HCN1: variants seen among roughly 807,000 people sequenced by gnomAD.
HCN1 encodes hyperpolarization activated cyclic nucleotide gated potassium channel 1.
In HCN1, 13 loss-of-function variants were observed where a neutral mutation model predicts 78.9. That is an observed-to-expected ratio of 0.16 (90% CI 0.11 to 0.26). The LOEUF is 0.26. Among genes scored for constraint, HCN1 ranks in the 10% least tolerant of loss-of-function variants. HCN1 has a pLI of 1.00. For synonymous variants in HCN1, 552 were observed against 455.5 expected (o/e 1.21, Z -2.70); for missense variants, 810 against 1,154.3 (o/e 0.70, Z 4.32).
chr5:45,598,625 C>G (rs1460718109), intron 2 of HCN1, among the ~76,000 whole-genome samples: 1 of 152,148 alleles, frequency 6.6e-6, no homozygotes, highest in African/African-American at 2.4e-5. Flanking sequence ...TCACAGTGAA[C>G]AGGCAACCTA....
chr5:45,539,961 A>ATAT (rs1561193956), intron 2 of HCN1, among the ~76,000 whole-genome samples: 20 of 127,610 alleles, frequency 1.6e-4, no homozygotes, highest in Admixed American at 1.2e-3. Context: ...TATATATATA[A>ATAT]AATGTTTATC....
chr5:45,370,045 A>AT (rs1405322142), intron 4 of HCN1, among the ~76,000 whole-genome samples: 3 of 151,914 alleles, frequency 2.0e-5, no homozygotes, highest in African/African-American at 7.2e-5. Context: ...CTCTCAGTTA[A>AT]TTTTTTCTTG....
intron 2 of HCN1, among the ~76,000 whole-genome samples, chr5:45,543,511 C>G (rs1293519634): frequency 6.6e-6 from 1 of 151,950 alleles, no homozygotes; most frequent in Non-Finnish European, 1.5e-5. Flanking sequence ...AACCCATAAA[C>G]ATTTAAAAAT....
At chr5:45,533,869 C>T (rs1345652238) in intron 2 of HCN1, among the ~76,000 whole-genome samples, 4 of 152,086 alleles carry the variant, frequency 2.6e-5, no homozygotes, top group Non-Finnish European at 5.9e-5. Flanking sequence ...AGAGACCTGA[C>T]AATAGGGTCA....
intron 3 of HCN1, among the ~76,000 whole-genome samples, chr5:45,454,480 T>C (rs1280173782): frequency 6.9e-6 from 1 of 145,890 alleles, no homozygotes; most frequent in East Asian, 2.0e-4. Context: ...TGTTAGGTCT[T>C]AAAAAAAAAT....
In HCN1 at chr5:45,667,122, G is replaced by T. The variant is rs1216653177; in HGVS notation, c.426-21514C>A. Among the ~76,000 whole-genome samples, 7 of 152,058 alleles carry T rather than the reference G, an allele frequency of 4.6e-5. No homozygotes were observed. In the South Asian group the frequency reaches 1.5e-3, roughly 32 times the overall value. On this transcript the variant is annotated intron_variant, in intron 1 of 7. Transcript: ENST00000303230. ...CATGGAACTCAGGCTGGGCTCACTG[G>T]TCCTACAAACCTCACCTGCTTTCAA...
intron 1 of HCN1, among the ~76,000 whole-genome samples, chr5:45,682,027 T>C (rs1166601896): frequency 6.6e-6 from 1 of 151,912 alleles, no homozygotes; most frequent in Non-Finnish European, 1.5e-5. Context: ...ATGAATGGGT[T>C]TGGTGCCCTC....
At chr5:45,608,555 C>A (rs939939935) in intron 2 of HCN1, among the ~76,000 whole-genome samples, 1 of 151,820 alleles carries the variant, frequency 6.6e-6, no homozygotes, top group South Asian at 2.1e-4. Flanking sequence ...GGTGTTAGCA[C>A]ACTTACAAAG....
intron 1 of HCN1, among the ~76,000 whole-genome samples, chr5:45,688,948 CAGAG>C (rs755793278): frequency 3.9e-5 from 6 of 151,938 alleles, no homozygotes; most frequent in Non-Finnish European, 7.4e-5. Flanking sequence ...TCTACAGAGA[CAGAG>C]AGAGGATTAG....
In HCN1 at chr5:45,254,956, A is replaced by G. The variant is rs748111936; in HGVS notation, c.*6965T>C. ...AGAAGCTCTTTGCAAAATATTGACC[A>G]CATTCATTTATTTTTATAATGTCAA... On this transcript the variant is annotated 3_prime_UTR_variant, in exon 8 of 8. Coordinates refer to ENST00000303230, the MANE Select transcript of HCN1 (RefSeq NM_021072.4). The G allele has an allele frequency of 6.6e-6, 1 of 152,250 alleles. No homozygotes were observed. Among genetic ancestry groups the G allele is most frequent in the Admixed American group, 6.5e-5 (1 of 15,286 alleles). The allele number at this position is 152,250 out of a possible 1,614,324, so 9.4% of individuals were successfully genotyped here.
At chr5:45,538,123 T>C (rs1368140949) in intron 2 of HCN1, among the ~76,000 whole-genome samples, 3 of 152,128 alleles carry the variant, frequency 2.0e-5, no homozygotes, top group African/African-American at 7.2e-5. Context: ...TTCTAAAGTA[T>C]TCCTAATTCT....
At chr5:45,283,413 A>G (rs904216640) in intron 6 of HCN1, among the ~76,000 whole-genome samples, 13 of 152,184 alleles carry the variant, frequency 8.5e-5, no homozygotes, top group African/African-American at 2.7e-4. Flanking sequence ...TCTAATATCC[A>G]GCACCTATAA....
chr5:45,304,243 T>C (rs200415454), intron 5 of HCN1, among the ~76,000 whole-genome samples: 2 of 152,028 alleles, frequency 1.3e-5, no homozygotes, highest in East Asian at 3.9e-4. Context: ...ATGCCATTCC[T>C]GCTTCTGTGC....
chr5:45,283,375 A>C (rs1296429087), intron 6 of HCN1, among the ~76,000 whole-genome samples: 1 of 152,152 alleles, frequency 6.6e-6, no homozygotes, highest in East Asian at 1.9e-4. Flanking sequence ...AATGGGAGAA[A>C]ATTTTTGCAA....
chr5:45,357,734 GTAATGATTTGTGCTATGGTTTGGA>G (rs1747029304), intron 4 of HCN1, among the ~76,000 whole-genome samples: 1 of 152,008 alleles, frequency 6.6e-6, no homozygotes, highest in Admixed American at 6.6e-5. Context: ...AAAGCAGACT[GTAATGATTTGTGCTATGGTTTGGA>G]TAGGATTCTC....
intron 3 of HCN1, among the ~76,000 whole-genome samples, chr5:45,440,012 T>C (rs1402324414): frequency 6.7e-6 from 1 of 148,474 alleles, no homozygotes; most frequent in Non-Finnish European, 1.5e-5. Context: ...TATAATGTAT[T>C]ATATAGTATC....
chr5:45,324,944 T>A (rs1463744899), intron 5 of HCN1, among the ~76,000 whole-genome samples: 16 of 151,794 alleles, frequency 1.1e-4, no homozygotes, highest in Admixed American at 9.9e-4. Context: ...TTTGGAGCAG[T>A]CCTTAGTGCC....
rs78900908 is a variant in HCN1 at position 45,276,668 on chromosome 5, A to G, written c.1619-9415T>C. 3.2e-3 allele frequency among the ~76,000 whole-genome samples: 489 copies of G among 152,266 alleles called. 2 individuals are homozygous for G. The highest frequency in any genetic ancestry group is 5.5e-3 in the Non-Finnish European group (374 of 67,984). ...TTTGTATCCTTATCCTGACTGAAAG[A>G]GTCGAGAATTATAAATTCAAGCATA... is the stretch of plus-strand genomic sequence containing the variant. On this transcript the variant is annotated intron_variant, in intron 6 of 7. Transcript: ENST00000303230.
At chr5:45,561,591 G>GA (rs1410404993) in intron 2 of HCN1, among the ~76,000 whole-genome samples, 1 of 125,442 alleles carries the variant, frequency 8.0e-6, no homozygotes, top group Non-Finnish European at 1.8e-5. Context: ...TGGCTCCTGA[G>GA]AAAAAAGAAA....
Sources: allele counts gnomAD v4.1 joint callset (sites outside exome capture counted in the v4.1 genomes callset), GRCh38; gene constraint gnomAD v4.1.1; transcripts MANE v1.5; gene names NCBI Gene and HGNC (gene_info 2026-07-23, HGNC 2026-07-21).